The following MAF variants were observed in gnomAD, a reference collection of about 807,000 sequenced individuals.
MAF encodes MAF bZIP transcription factor.
Under a neutral mutation model 22.0 loss-of-function variants are expected in MAF, and 10 were observed. The observed-to-expected ratio is 0.45, with a 90% confidence interval of 0.28 to 0.77. MAF has a LOEUF of 0.77. Among genes scored for constraint, MAF ranks in the 30% least tolerant of loss-of-function variants. The pLI is 0.12. For missense variants in MAF, 544 were observed against 548.4 expected, an observed-to-expected ratio of 0.99 and a Z score of 0.08; for synonymous variants, 337 against 255.8, an observed-to-expected ratio of 1.32 and a Z score of -3.03.
the MAF span, among the ~76,000 whole-genome samples, chr16:79,454,474 C>A: frequency 6.6e-6 from 1 of 152,076 alleles, no homozygotes; most frequent in African/African-American, 2.4e-5. Context: ...CAGCTAGTAG[C>A]ATAGAGAGTA....
At chr16:79,366,968 A>C in the MAF span, among the ~76,000 whole-genome samples, 2 of 152,206 alleles carry the variant, frequency 1.3e-5, no homozygotes, top group Non-Finnish European at 2.9e-5. Context: ...CCATCTGTAA[A>C]TATTAGTTGC....
the MAF span, among the ~76,000 whole-genome samples, chr16:79,486,688 G>C: frequency 6.6e-6 from 1 of 152,170 alleles, no homozygotes; most frequent in Non-Finnish European, 1.5e-5. Context: ...ATGAGTCTCC[G>C]AGACAGAGAG....
At chr16:79,227,253 A>C in the MAF span, among the ~76,000 whole-genome samples, 3 of 151,954 alleles carry the variant, frequency 2.0e-5, no homozygotes, top group Non-Finnish European at 4.4e-5. Flanking sequence ...CAGGAGGCTG[A>C]GGTAGGGGGA....
chr16:79,584,000 A>G (rs1912688298), downstream of MAF, among the ~76,000 whole-genome samples: 1 of 152,174 alleles, frequency 6.6e-6, no homozygotes, highest in Admixed American at 6.5e-5. Context: ...GTTAGTCAGG[A>G]TCAAGGGATG....
the MAF span, among the ~76,000 whole-genome samples, chr16:79,358,864 G>A: frequency 6.6e-6 from 1 of 152,218 alleles, no homozygotes; most frequent in African/African-American, 2.4e-5. Context: ...ACAGGATGCT[G>A]CAGAGGCTGC....
At chr16:79,311,865 A>C in the MAF span, among the ~76,000 whole-genome samples, 9 of 152,256 alleles carry the variant, frequency 5.9e-5, no homozygotes, top group Non-Finnish European at 1.3e-4. Flanking sequence ...CCCTGAGAAC[A>C]AAATGGGCAC....
chr16:79,293,473 A>C, the MAF span, among the ~76,000 whole-genome samples: 1 of 152,214 alleles, frequency 6.6e-6, no homozygotes, highest in African/African-American at 2.4e-5. Context: ...ATTTTTGCAC[A>C]TAATATGTAA....
chr16:79,439,428 A>G, the MAF span, among the ~76,000 whole-genome samples: 165 of 151,674 alleles, frequency 1.1e-3, 1 homozygote, highest in African/African-American at 3.9e-3. Flanking sequence ...TGCCCGGCTA[A>G]TTTTTGTATT....
At chr16:79,359,948 T>C in the MAF span, among the ~76,000 whole-genome samples, 1 of 152,162 alleles carries the variant, frequency 6.6e-6, no homozygotes. Context: ...ATGTGAAGGA[T>C]TGCCATTCAT....
chr16:79,291,457 C>T, the MAF span, among the ~76,000 whole-genome samples: 17 of 152,186 alleles, frequency 1.1e-4, no homozygotes, highest in South Asian at 2.1e-4. Flanking sequence ...TACTCTCCAG[C>T]GGGTAGTGGC....
At chr16:79,379,427 A>C in the MAF span, among the ~76,000 whole-genome samples, 2 of 152,070 alleles carry the variant, frequency 1.3e-5, no homozygotes, top group East Asian at 3.9e-4. Flanking sequence ...TATCTTATAA[A>C]AGTATTTCTA....
chr16:79,588,208 G>A (rs528213999), intron 1 of MAF, among the ~76,000 whole-genome samples: 24 of 152,294 alleles, frequency 1.6e-4, no homozygotes, highest in African/African-American at 5.5e-4. Flanking sequence ...ATCGCAACCT[G>A]AAAACGTGTT....
At chr16:79,267,405 T>C in the MAF span, among the ~76,000 whole-genome samples, 1 of 151,968 alleles carries the variant, frequency 6.6e-6, no homozygotes, top group South Asian at 2.1e-4. Flanking sequence ...GCTCTGCAGA[T>C]TGTTTTAGGT....
chr16:79,324,512 G>C, the MAF span, among the ~76,000 whole-genome samples: 16 of 152,142 alleles, frequency 1.1e-4, no homozygotes, highest in African/African-American at 3.6e-4. Flanking sequence ...TGTACCAATG[G>C]ATTACTGTAT....
At chr16:79,429,350 G>A in the MAF span, among the ~76,000 whole-genome samples, 1 of 152,196 alleles carries the variant, frequency 6.6e-6, no homozygotes, top group Non-Finnish European at 1.5e-5. Context: ...AGGACCGACG[G>A]AGGGATACTT....
chr16:79,558,431 T>C, the MAF span, among the ~76,000 whole-genome samples: 2 of 152,190 alleles, frequency 1.3e-5, no homozygotes, highest in African/African-American at 4.8e-5. Flanking sequence ...TAATCAGATT[T>C]GTCATTTCAA....
At chr16:79,510,045 G>C in the MAF span, among the ~76,000 whole-genome samples, 1 of 152,182 alleles carries the variant, frequency 6.6e-6, no homozygotes, top group Non-Finnish European at 1.5e-5. Flanking sequence ...AAAGTCACTG[G>C]AATCAGGTTT....
At chr16:79,412,811 C>G in the MAF span, among the ~76,000 whole-genome samples, 1 of 152,172 alleles carries the variant, frequency 6.6e-6, no homozygotes, top group Non-Finnish European at 1.5e-5. Context: ...CCATTCACAC[C>G]CAGAGCGTTC....
At chr16:79,497,455 G>T in the MAF span, among the ~76,000 whole-genome samples, 3 of 152,172 alleles carry the variant, frequency 2.0e-5, no homozygotes, top group African/African-American at 7.2e-5. Context: ...GCTATGTACA[G>T]TTGTGCTGGC....
Sources: allele counts gnomAD v4.1 joint callset (sites outside exome capture counted in the v4.1 genomes callset), GRCh38; gene constraint gnomAD v4.1.1; transcripts MANE v1.5; gene names NCBI Gene and HGNC (gene_info 2026-07-23, HGNC 2026-07-21).